Variants in ZNF236 observed in about 807,000 individuals in gnomAD.
ZNF236 encodes the protein regulated by glucose.
Under a neutral mutation model 191.2 loss-of-function variants are expected in ZNF236, and 50 were observed. The observed-to-expected ratio is 0.26, with a 90% confidence interval of 0.21 to 0.33. The LOEUF (loss-of-function observed/expected upper bound fraction) is 0.33. Among genes scored for constraint, ZNF236 ranks in the 10% least tolerant of loss-of-function variants. The pLI, the probability that ZNF236 is intolerant of heterozygous loss-of-function variation, is 1.00. For synonymous variants in ZNF236, 907 were observed against 928.8 expected (o/e 0.98, Z 0.43); for missense variants, 1,754 against 2,374.5 (o/e 0.74, Z 5.43).
Position 76,912,233 on chromosome 18 carries a change from T to A in ZNF236, c.2806-11T>A. ...TCAAGTAGTTTGCTTTATACTTCTC[T>A]TAAATTTTAGACAACTCGCTTGATT... is the stretch of plus-strand genomic sequence containing the variant. On this transcript the variant is annotated splice_polypyrimidine_tract_variant and intron_variant, in intron 16 of 30. Coordinates refer to ENST00000320610, the MANE Select transcript of ZNF236 (RefSeq NM_001306089.2). 1.2e-6 allele frequency: 2 copies of A among 1,609,618 alleles called. No individual in the cohort carries two copies. Among genetic ancestry groups the A allele is most frequent in the East Asian group, 2.2e-5 (1 of 44,872 alleles).
chr18:76,848,321 T>A (rs1201735300), intron 1 of ZNF236, among the ~76,000 whole-genome samples: 3 of 152,234 alleles, frequency 2.0e-5, no homozygotes, highest in Non-Finnish European at 4.4e-5. Flanking sequence ...AAGTCTAATA[T>A]TTTTGGATCA....
chr18:76,837,934 A>T (rs561773486), intron 1 of ZNF236, among the ~76,000 whole-genome samples: 1 of 152,310 alleles, frequency 6.6e-6, no homozygotes, highest in East Asian at 1.9e-4. Flanking sequence ...TTATGTCAAG[A>T]CACATTAAAA....
intron 4 of ZNF236, among the ~76,000 whole-genome samples, chr18:76,870,210 T>C (rs2122599992): frequency 6.6e-6 from 1 of 152,344 alleles, no homozygotes; most frequent in Non-Finnish European, 1.5e-5. Context: ...TCCTGTCTTT[T>C]TCATTTTGCC....
In ZNF236 at chr18:76,848,145, CTT is replaced by C. The variant is rs1382348068; in HGVS notation, c.56-1378_56-1377del. Among the ~76,000 whole-genome samples, 11 of 152,302 alleles carry C rather than the reference CTT, an allele frequency of 7.2e-5. No individual in the cohort carries two copies. The South Asian group carries it at 1.0e-3, about 14-fold the overall frequency. On this transcript the variant is annotated intron_variant, in intron 1 of 30. Transcript: ENST00000320610. The stretch of plus-strand genomic sequence containing the variant: ...GCAGATTCAACTTTCAGCCAGGAGA[CTT>C]TTGGCAGAAATGGGAACTGCAGGCT...
intron 13 of ZNF236, among the ~76,000 whole-genome samples, chr18:76,907,136 T>C (rs1426747029): frequency 6.6e-6 from 1 of 152,242 alleles, no homozygotes; most frequent in African/African-American, 2.4e-5. Flanking sequence ...TTCTCTATTA[T>C]GCGACACATT....
intron 11 of ZNF236, among the ~76,000 whole-genome samples, chr18:76,902,275 A>G (rs947486104): frequency 1.3e-5 from 2 of 152,192 alleles, no homozygotes; most frequent in African/African-American, 4.8e-5. Context: ...GGCTCCTTAG[A>G]GGCTATAGAA....
At chr18:76,847,419 A>G (rs575839617) in intron 1 of ZNF236, among the ~76,000 whole-genome samples, 5 of 152,216 alleles carry the variant, frequency 3.3e-5, no homozygotes, top group African/African-American at 1.2e-4. Flanking sequence ...AGGGAATTGT[A>G]TATCAATTGC....
At position 76,970,764 on chromosome 18, in the gene ZNF236, A is replaced by G. The variant is rs1325946887; in HGVS notation, c.*2425A>G. On this transcript the variant is annotated 3_prime_UTR_variant, in exon 31 of 31. Transcript: ENST00000320610. The stretch of plus-strand genomic sequence containing the variant: ...TTTTTCGTTTGAAAATATTTAAGAT[A>G]AAACAGTTTGGCATGTAAATTAATT... The G allele has an allele frequency of 2.0e-5, 3 of 152,278 alleles. No individual in the cohort carries two copies. Among genetic ancestry groups the G allele is most frequent in the Non-Finnish European group, 2.9e-5 (2 of 68,044 alleles). The allele number at this position is 152,278 out of a possible 1,614,324, so 9.4% of individuals were successfully genotyped here.
rs777526542 is a variant in ZNF236, at chr18:76,905,422, G to T, written c.2297+7G>T. ...AGCACATGAAAACCCACAGGTGGGT[G>T]TAATTCTGGTGGTCACTTTTTATCA... On this transcript the variant is annotated splice_region_variant and intron_variant, in intron 13 of 30. Coordinates refer to ENST00000320610, the MANE Select transcript of ZNF236 (RefSeq NM_001306089.2). The T allele has an allele frequency of 1.2e-6, 2 of 1,610,858 alleles. No homozygotes were observed. Among genetic ancestry groups the T allele is most frequent in the Admixed American group, 3.3e-5 (2 of 59,914 alleles).
chr18:76,947,727 AG>A (rs1968299559), intron 27 of ZNF236, 75 bp downstream of exon 27: 7 of 1,534,604 alleles, frequency 4.6e-6, no homozygotes, highest in Non-Finnish European at 6.2e-6. Context: ...ATGGTGGTAG[AG>A]GGTTATGGGC....
At chr18:76,892,030 G>T (rs1398087221) in intron 9 of ZNF236, among the ~76,000 whole-genome samples, 1 of 151,552 alleles carries the variant, frequency 6.6e-6, no homozygotes, top group Non-Finnish European at 1.5e-5. Flanking sequence ...CAATCTTATT[G>T]GTATTTGTAT....
intron 3 of ZNF236, among the ~76,000 whole-genome samples, chr18:76,860,836 C>T (rs1413853371): frequency 6.6e-6 from 1 of 152,236 alleles, no homozygotes; most frequent in Non-Finnish European, 1.5e-5. Context: ...CTACTCACCC[C>T]TGCTTCTGGT....
intron 1 of ZNF236, among the ~76,000 whole-genome samples, chr18:76,822,889 C>T (rs931148066): frequency 5.4e-5 from 8 of 147,812 alleles, no homozygotes; most frequent in African/African-American, 2.0e-4. Context: ...GCCTACTTTC[C>T]TGGGCCGGGC....
rs143161723 is a variant in ZNF236 at position 76,901,161 on chromosome 18, A to G, written c.1894+1939A>G. Among the ~76,000 whole-genome samples, 261 of 152,336 alleles carry G rather than the reference A, an allele frequency of 1.7e-3. 1 individual carries two copies. The highest frequency in any genetic ancestry group is 6.0e-3 in the African/African-American group (251 of 41,580). On this transcript the variant is annotated intron_variant, in intron 11 of 30. Transcript: ENST00000320610. Reference sequence around the variant, plus strand: ...ATACATATAATGGAATTGGAGATAGAAGACAAAACTGTAGTGAACTGAAGT... The same window carrying G: ...ATACATATAATGGAATTGGAGATAGGAGACAAAACTGTAGTGAACTGAAGT...
At chr18:76,949,471 T>TAC (rs1968351581) in intron 27 of ZNF236, among the ~76,000 whole-genome samples, 1 of 152,134 alleles carries the variant, frequency 6.6e-6, no homozygotes, top group African/African-American at 2.4e-5. Context: ...AAAAATGAGG[T>TAC]AGATAACCAA....
At chr18:76,956,894 C>G (rs1968537713) in intron 28 of ZNF236, among the ~76,000 whole-genome samples, 1 of 152,210 alleles carries the variant, frequency 6.6e-6, no homozygotes, top group African/African-American at 2.4e-5. Context: ...CAGCACCACT[C>G]CAGCCCAGCG....
intron 27 of ZNF236, among the ~76,000 whole-genome samples, chr18:76,951,264 A>G (rs142129216): frequency 5.3e-5 from 8 of 152,314 alleles, no homozygotes; most frequent in Admixed American, 2.6e-4. Flanking sequence ...TTCTGTAGCT[A>G]TGAAAGTCCT....
At chr18:76,963,637 C>G (rs1968711243) in intron 30 of ZNF236, among the ~76,000 whole-genome samples, 1 of 152,122 alleles carries the variant, frequency 6.6e-6, no homozygotes, top group Admixed American at 6.5e-5. Flanking sequence ...GGAATAGTGT[C>G]AAAAGGATTG....
chr18:76,896,398 G>C (rs1977412206), intron 10 of ZNF236, among the ~76,000 whole-genome samples: 1 of 144,836 alleles, frequency 6.9e-6, no homozygotes, highest in African/African-American at 2.6e-5. Context: ...ATCGAACACA[G>C]TACCAAACAC....
Sources: gnomAD v4.1 joint callset for allele counts (sites outside exome capture counted in the v4.1 genomes callset) on GRCh38, gnomAD v4.1.1 for gene constraint, MANE v1.5 for transcripts, NCBI Gene and HGNC (gene_info 2026-07-23, HGNC 2026-07-21) for gene names.